Variants in MYOM3 observed in about 807,000 individuals in gnomAD.
MYOM3 encodes myomesin-3.
A neutral mutation model predicts 191.7 loss-of-function variants in MYOM3; 155 were observed. That is an observed-to-expected ratio of 0.81 (90% CI 0.71 to 0.92). The LOEUF is 0.92. Ranked by LOEUF, MYOM3 falls within the 40% of genes least tolerant of loss-of-function variation. The pLI is 0.00. For synonymous variants in MYOM3, 757 were observed against 762.9 expected (o/e 0.99, Z 0.13); for missense variants, 1,889 against 1,890.6 (o/e 1.00, Z 0.02).
intron 19 of MYOM3, among the ~76,000 whole-genome samples, chr1:24,080,751 G>A (rs571865037): frequency 1.3e-5 from 2 of 152,286 alleles, no homozygotes; most frequent in East Asian, 1.9e-4. Flanking sequence ...TGTGGTTGTC[G>A]AAAGCATCAT....
Position 24,063,371 on chromosome 1 carries a change from T to C in MYOM3, c.3661+121A>G. ...AGTGCTGTGAAGAGGCGGGATTTTC[T>C]CTTCGGTGTTTGAGGTTAGAAACTA... On this transcript the variant is annotated intron_variant, in intron 31 of 36. Coordinates refer to ENST00000374434, the MANE Select transcript of MYOM3 (RefSeq NM_152372.4). This position sits in a 1 kb window ranked among gnomAD's most constrained non-coding sequence, Gnocchi z 4.5. 1.4e-6 allele frequency: 2 copies of C among 1,420,462 alleles called. No individual in the cohort carries two copies. The highest frequency in any genetic ancestry group is 2.0e-6 in the Non-Finnish European group (2 of 1,007,280). The allele number at this position is 1,420,462 out of a possible 1,614,324, so 88.0% of individuals were successfully genotyped here.
intron 9 of MYOM3, among the ~76,000 whole-genome samples, chr1:24,093,904 A>G (rs1361229502): frequency 1.3e-5 from 2 of 152,118 alleles, no homozygotes; most frequent in Admixed American, 6.5e-5. Flanking sequence ...AGGCCTAGTC[A>G]TGGATTGGGT....
At chr1:24,070,393 G>A (rs1396792599) in intron 25 of MYOM3, among the ~76,000 whole-genome samples, 2 of 151,432 alleles carry the variant, frequency 1.3e-5, no homozygotes, top group Admixed American at 6.6e-5. Flanking sequence ...TGCAGCCTGG[G>A]CAACAAGGCA....
At chr1:24,090,749 G>A in intron 12 of MYOM3, 48 bp downstream of exon 12, 4 of 1,588,204 alleles carry the variant, frequency 2.5e-6, no homozygotes, top group Non-Finnish European at 3.5e-6. Flanking sequence ...AGTCCTGAGG[G>A]TTCCCTGACT....
At chr1:24,095,131 G>A (rs550981747) in intron 8 of MYOM3, 141 bp from the exon 9 acceptor site, 1 of 892,608 alleles carries the variant, frequency 1.1e-6, no homozygotes, top group East Asian at 2.6e-5. Flanking sequence ...GGGGTAGGAG[G>A]GGAAGAGACT....
At chr1:24,076,086 C>A in intron 21 of MYOM3, 73 bp downstream of exon 21, 1 of 1,248,164 alleles carries the variant, frequency 8.0e-7, no homozygotes, top group Admixed American at 1.7e-5. Flanking sequence ...CTTCTCCCAA[C>A]TTCCCTTGAA....
At chr1:24,096,109 T>C (rs1341632561) in intron 7 of MYOM3, among the ~76,000 whole-genome samples, 1 of 152,136 alleles carries the variant, frequency 6.6e-6, no homozygotes, top group Non-Finnish European at 1.5e-5. Context: ...GGCACAGCCG[T>C]CCAGACAACA....
chr1:24,082,066 G>C lies in MYOM3; in HGVS notation c.2215C>G (p.His739Asp). 1 of 1,612,834 alleles carries C rather than the reference G, an allele frequency of 6.2e-7. No individual in the cohort carries two copies. The highest frequency in any genetic ancestry group is 8.5e-7 in the Non-Finnish European group (1 of 1,179,950). Residue 739 changes from histidine (H) to aspartate (D), a missense_variant, in exon 18 of 37, where the codon CAT (histidine) becomes GAT (aspartate). Transcript: ENST00000374434. ...TGCCAGTCCAGCTCTTCCGAGTCAT[G>C]CTGGTCCAGGAAGTAGCCCAGGATC... Reference protein sequence around the residue: ...GKILGYFLDQHDSEELDWHAV... With the variant: ...GKILGYFLDQDDSEELDWHAV...
intron 16 of MYOM3, 127 bp from the exon 17 acceptor site, chr1:24,082,841 T>C (rs969773006): frequency 5.2e-5 from 63 of 1,205,788 alleles, no homozygotes; most frequent in Non-Finnish European, 6.8e-5. Context: ...AGGTCAATTC[T>C]TCCTAAAAAT....
chr1:24,095,385 C>G (rs11249143), intron 8 of MYOM3, 57 bp downstream of exon 8: 1 of 1,523,268 alleles, frequency 6.6e-7, no homozygotes, highest in South Asian at 1.1e-5. Flanking sequence ...CTGTGGGGGT[C>G]GGGGAGCAAA....
intron 5 of MYOM3, among the ~76,000 whole-genome samples, chr1:24,100,149 G>A (rs900384874): frequency 6.6e-6 from 1 of 152,126 alleles, no homozygotes; most frequent in East Asian, 1.9e-4. Context: ...GATTATAGGC[G>A]TGAACCACCG....
intron 23 of MYOM3, 24 bp from the exon 24 acceptor site, chr1:24,072,037 G>A: frequency 6.2e-7 from 1 of 1,613,294 alleles, no homozygotes; most frequent in Non-Finnish European, 8.5e-7. Flanking sequence ...AAGTGAGGAA[G>A]AAACCAGAGA....
In MYOM3 at chr1:24,108,642, C is replaced by A. The variant is rs377075120; in HGVS notation, c.-6G>T. ...AAGCTGTGCGGCAGAGTCATGGTTA[C>A]GAGAGCAACAACCTGTGAAGGCCAA... On this transcript the variant is annotated 5_prime_UTR_variant, in exon 2 of 37. Transcript: ENST00000374434. 28 of 1,546,824 alleles carry A rather than the reference C, an allele frequency of 1.8e-5. 1 individual carries two copies. The African/African-American group carries it at 3.5e-4, about 19-fold the overall frequency.
chr1:24,064,758 T>A (rs1643414103), intron 29 of MYOM3, among the ~76,000 whole-genome samples: 1 of 152,180 alleles, frequency 6.6e-6, no homozygotes, highest in Non-Finnish European at 1.5e-5. Context: ...CATCTCTCAA[T>A]ACTTCCCACC....
chr1:24,082,465 C>T (rs1229808001), intron 17 of MYOM3, 128 bp downstream of exon 17: 3 of 1,297,476 alleles, frequency 2.3e-6, no homozygotes, highest in Non-Finnish European at 3.1e-6. Flanking sequence ...AGGGCCAGCT[C>T]CAGTTTCCCT....
Position 24,108,335 on chromosome 1 carries a change from C to G in MYOM3, c.161+141G>C, listed in dbSNP as rs139574951. The G allele has an allele frequency of 1.8e-5, 18 of 984,220 alleles. No homozygotes were observed. The East Asian group carries it at 4.8e-4, about 26-fold the overall frequency. The allele number at this position is 984,220 out of a possible 1,614,324, so 61.0% of individuals were successfully genotyped here. A position where few individuals can be genotyped will look rare whatever the true frequency, so the allele number is the denominator to read the frequency against. ...CCAGAGAGCCAATTGTGTCTCCCCC[C>G]TCAGACAGGGGGTTCAGAAAGCAGG... On this transcript the variant is annotated intron_variant, in intron 2 of 36. Transcript: ENST00000374434.
chr1:24,072,535 C>T (rs1470504467), intron 23 of MYOM3, among the ~76,000 whole-genome samples: 4 of 151,914 alleles, frequency 2.6e-5, no homozygotes, highest in African/African-American at 7.3e-5. Context: ...TCTTCTTGTT[C>T]GTTTTTTCTT....
Position 24,106,029 on chromosome 1 carries a change from CGTAGCACA to C in MYOM3, c.443_450del (p.Leu148ArgfsTer41), listed in dbSNP as rs1468145354. ...GGGATCCAGAACCAGGGCCCGCGGC[CGTAGCACA>C]GCTCCCTCAGCTCCTTGGCCTCCTG... On this transcript the variant is annotated frameshift_variant, in exon 5 of 37. Transcript: ENST00000374434. LOFTEE classifies it high-confidence loss of function. The C allele has an allele frequency of 1.9e-6, 3 of 1,613,714 alleles. No individual in the cohort carries two copies. The highest frequency in any genetic ancestry group is 2.5e-6 in the Non-Finnish European group (3 of 1,179,982).
chr1:24,091,554 A>C (rs906787745), intron 11 of MYOM3, among the ~76,000 whole-genome samples: 1 of 152,172 alleles, frequency 6.6e-6, no homozygotes, highest in Non-Finnish European at 1.5e-5. Context: ...TGTCTCCACC[A>C]CTAATGACAA....
Sources: allele counts gnomAD v4.1 joint callset (sites outside exome capture counted in the v4.1 genomes callset), GRCh38; gene constraint gnomAD v4.1.1; non-coding constraint Gnocchi (gnomAD v3.1); transcripts MANE v1.5; gene names NCBI Gene and HGNC (gene_info 2026-07-23, HGNC 2026-07-21).